Variants in GRIK2 observed in about 807,000 individuals in gnomAD.
The protein encoded by GRIK2 is glutamate ionotropic receptor kainate type subunit 2.
Under a neutral mutation model 100.3 loss-of-function variants are expected in GRIK2, and 32 were observed. That is an observed-to-expected ratio of 0.32 (90% confidence interval 0.24 to 0.43). The LOEUF is 0.43. Ranked by LOEUF, GRIK2 falls within the 20% of genes least tolerant of loss-of-function variation. The probability of loss-of-function intolerance (pLI) is 1.00; values close to 1 mark genes in which losing one functional copy is unlikely to be tolerated. For synonymous variants in GRIK2, 417 were observed against 389.4 expected (o/e 1.07, Z -0.83); for missense variants, 843 against 1,114.9 (o/e 0.76, Z 3.47).
intron 2 of GRIK2, among the ~76,000 whole-genome samples, chr6:101,592,625 T>TATATATATATATA (rs1778724775): frequency 1.2e-5 from 1 of 84,490 alleles, no homozygotes; most frequent in African/African-American, 5.2e-5. Context: ...ATATATATAT[T>TATATATATATATA]GCTTTTTCAC....
chr6:101,597,787 G>A (rs1429497590), intron 2 of GRIK2, among the ~76,000 whole-genome samples: 1 of 151,674 alleles, frequency 6.6e-6, no homozygotes, highest in Admixed American at 6.6e-5. Flanking sequence ...TTTAGTAGAA[G>A]AGTTGTTAAA....
intron 7 of GRIK2, among the ~76,000 whole-genome samples, chr6:101,786,771 C>T (rs1779448928): frequency 6.6e-6 from 1 of 152,012 alleles, no homozygotes; most frequent in African/African-American, 2.4e-5. Context: ...CATAGATGTT[C>T]ACCAGTTGTT....
At position 101,892,601 on chromosome 6, in the gene GRIK2, G is replaced by A. The variant is rs368354550; in HGVS notation, c.1748+2738G>A. 1.8e-4 allele frequency among the ~76,000 whole-genome samples: 27 copies of A among 151,894 alleles called. No individual in the cohort carries two copies. The East Asian group carries it at 2.1e-3, about 12-fold the overall frequency. On this transcript the variant is annotated intron_variant, in intron 12 of 16. Coordinates refer to ENST00000369134, the MANE Select transcript of GRIK2 (RefSeq NM_021956.5). ...TCATAGTTTTTAAGTGAACAGATAG[G>A]AAAATGATACTATTTCAGCTTCTTA... is the stretch of plus-strand genomic sequence containing the variant.
Position 101,833,224 on chromosome 6 carries a change from GTTGT to G in GRIK2, c.1317+14752_1317+14755del, listed in dbSNP as rs558978346. On this transcript the variant is annotated intron_variant, in intron 10 of 16. Coordinates refer to ENST00000369134, the MANE Select transcript of GRIK2 (RefSeq NM_021956.5). ...ATGCCTGATCTTGTTTTTCGTTGTT[GTTGT>G]TTGTTTGTTTTGTTTTGTTTTGAGA... is the stretch of plus-strand genomic sequence containing the variant. Among the ~76,000 whole-genome samples, 196 of 151,912 alleles carry G rather than the reference GTTGT, an allele frequency of 1.3e-3. 1 individual carries two copies. The highest frequency in any genetic ancestry group is 3.6e-3 in the African/African-American group (151 of 41,454).
intron 12 of GRIK2, among the ~76,000 whole-genome samples, chr6:101,894,632 A>G (rs1287437997): frequency 6.6e-6 from 1 of 151,750 alleles, no homozygotes; most frequent in Admixed American, 6.6e-5. Flanking sequence ...TCATATAAAA[A>G]GTCTGGTTAG....
At chr6:101,693,904 A>G (rs1186074921) in intron 7 of GRIK2, among the ~76,000 whole-genome samples, 1 of 152,016 alleles carries the variant, frequency 6.6e-6, no homozygotes, top group Admixed American at 6.6e-5. Flanking sequence ...GAACTCCTTC[A>G]ACAGCTATAT....
intron 14 of GRIK2, among the ~76,000 whole-genome samples, chr6:101,966,565 G>T (rs1359291513): frequency 6.6e-6 from 1 of 152,016 alleles, no homozygotes; most frequent in East Asian, 1.9e-4. Context: ...GAATGTTCTA[G>T]TCATCTGTTT....
At chr6:102,018,527 C>A (rs996960541) in intron 14 of GRIK2, among the ~76,000 whole-genome samples, 6 of 152,022 alleles carry the variant, frequency 3.9e-5, no homozygotes, top group East Asian at 1.9e-4. Context: ...AGTTTCCCCC[C>A]ACTTCTGGCA....
At chr6:101,763,970 G>GA in intron 7 of GRIK2, among the ~76,000 whole-genome samples, 1 of 152,150 alleles carries the variant, frequency 6.6e-6, no homozygotes, top group South Asian at 2.1e-4. Flanking sequence ...GATTTGACAA[G>GA]AAAAGAGATA....
intron 12 of GRIK2, among the ~76,000 whole-genome samples, chr6:101,908,233 CATTTT>C (rs756372175): frequency 9.1e-5 from 6 of 65,798 alleles, no homozygotes; most frequent in Admixed American, 1.7e-4. Flanking sequence ...ATTGTTGAGT[CATTTT>C]ATTATGTGCA....
chr6:101,809,992 T>C (rs1475598289), intron 9 of GRIK2, among the ~76,000 whole-genome samples: 1 of 151,976 alleles, frequency 6.6e-6, no homozygotes, highest in African/African-American at 2.4e-5. Flanking sequence ...AATTTATTGT[T>C]TTGGTTCCCA....
At chr6:101,944,968 C>G (rs540097749) in intron 14 of GRIK2, among the ~76,000 whole-genome samples, 1 of 151,934 alleles carries the variant, frequency 6.6e-6, no homozygotes, top group African/African-American at 2.4e-5. Context: ...TAGTAAATTA[C>G]TTCACTTGGA....
At chr6:101,771,330 A>G (rs2128397300) in intron 7 of GRIK2, among the ~76,000 whole-genome samples, 1 of 151,942 alleles carries the variant, frequency 6.6e-6, no homozygotes, top group East Asian at 1.9e-4. Context: ...TTAAATTTCT[A>G]TTTGAATTAA....
chr6:101,792,036 CT>C (rs1415968131), intron 7 of GRIK2, among the ~76,000 whole-genome samples: 3 of 151,776 alleles, frequency 2.0e-5, no homozygotes, highest in Non-Finnish European at 4.4e-5. Context: ...CAACCCCTGC[CT>C]TTTTTTGTTT....
Position 101,686,360 on chromosome 6 carries a change from A to G in GRIK2, c.951+7A>G. 5.0e-6 allele frequency: 8 copies of G among 1,606,554 alleles called. No individual in the cohort carries two copies. Among genetic ancestry groups the G allele is most frequent in the Non-Finnish European group, 6.8e-6 (8 of 1,173,392 alleles). ...GCTGGATGGATTTATGACGGTATGAATACCCACTTAAAGATCAGTTTGTGT... is the reference window on the plus strand; with the variant it reads ...GCTGGATGGATTTATGACGGTATGAGTACCCACTTAAAGATCAGTTTGTGT... On this transcript the variant is annotated splice_region_variant and intron_variant, in intron 7 of 16. Transcript: ENST00000369134.
At chr6:101,482,555 C>T (rs946937138) in intron 2 of GRIK2, among the ~76,000 whole-genome samples, 2 of 151,992 alleles carry the variant, frequency 1.3e-5, no homozygotes, top group African/African-American at 4.8e-5. Context: ...TAGGATGCAG[C>T]CCTGTGTTAT....
intron 1 of GRIK2, among the ~76,000 whole-genome samples, chr6:101,397,816 T>A (rs1775073008): frequency 6.6e-6 from 1 of 152,150 alleles, no homozygotes; most frequent in Non-Finnish European, 1.5e-5. Flanking sequence ...AGATTAATGA[T>A]AAGATATAGG....
intron 4 of GRIK2, among the ~76,000 whole-genome samples, chr6:101,652,122 C>G (rs1051976265): frequency 2.0e-5 from 3 of 152,098 alleles, no homozygotes; most frequent in Admixed American, 6.6e-5. Flanking sequence ...GAGGTTAAAA[C>G]TTGATTAGAG....
intron 2 of GRIK2, among the ~76,000 whole-genome samples, chr6:101,491,807 C>T (rs1773127406): frequency 1.3e-5 from 2 of 151,518 alleles, no homozygotes; most frequent in Non-Finnish European, 2.9e-5. Flanking sequence ...TTCAGATTTC[C>T]CTGGGTGATG....
Sources: gnomAD v4.1 joint callset for allele counts (sites outside exome capture counted in the v4.1 genomes callset) on GRCh38, gnomAD v4.1.1 for gene constraint, MANE v1.5 for transcripts, NCBI Gene and HGNC (gene_info 2026-07-23, HGNC 2026-07-21) for gene names.